IGSF10: variants seen among roughly 807,000 people sequenced by gnomAD.
IGSF10 encodes calvaria mechanical force protein 608.
Under a neutral mutation model 128.2 loss-of-function variants are expected in IGSF10, and 126 were observed. The ratio of observed to expected loss-of-function variants is 0.98; its 90% CI spans 0.85 to 1.14. The LOEUF is 1.14. IGSF10 is among the 50% of genes most tolerant of loss of function. IGSF10 has a pLI of 0.00. For synonymous variants in IGSF10, 1,185 were observed against 1,146.2 expected, an observed-to-expected ratio of 1.03 and a Z score of -0.68; for missense variants, 3,295 against 3,149.8, an observed-to-expected ratio of 1.05 and a Z score of -1.10.
intron 4 of IGSF10, 100 bp from the exon 5 acceptor site, chr3:151,453,874 T>C (rs1222785233): frequency 2.8e-6 from 2 of 704,086 alleles, no homozygotes; most frequent in African/African-American, 3.6e-5. Context: ...ATTAATTCAG[T>C]GCAATTTATA....
chr3:151,446,425 T>C lies in IGSF10; in HGVS notation c.3556A>G (p.Thr1186Ala), dbSNP rs764335493. The change falls in exon 6 of 8, where the codon ACC (threonine) becomes GCC (alanine). Residue 1186 changes from threonine (T) to alanine (A), a missense_variant. Thr to Ala is a moderately conservative substitution (Grantham distance 58). Transcript: ENST00000282466. Reference protein sequence around the residue: ...VITSSLSGAITKPPMTIIAIT... With the variant: ...VITSSLSGAIAKPPMTIIAIT... ...GCTATAATAGTCATTGGTGGCTTGG[T>C]GATAGCACCTGAAAGTGACGATGTA... 1 of 1,614,104 alleles carries C rather than the reference T, an allele frequency of 6.2e-7. No individual in the cohort carries two copies. The highest frequency in any genetic ancestry group is 8.5e-7 in the Non-Finnish European group (1 of 1,179,938).
the IGSF10 span, among the ~76,000 whole-genome samples, chr3:151,514,839 T>C: frequency 6.6e-6 from 1 of 152,192 alleles, no homozygotes; most frequent in Non-Finnish European, 1.5e-5. Context: ...AAAGAAGACA[T>C]TTATGCAGCC....
chr3:151,574,754 T>C, the IGSF10 span, among the ~76,000 whole-genome samples: 2 of 152,230 alleles, frequency 1.3e-5, no homozygotes, highest in Non-Finnish European at 2.9e-5. Context: ...TCCAGCTTTG[T>C]TCCATTGCTG....
chr3:151,559,952 G>T, the IGSF10 span, among the ~76,000 whole-genome samples: 1 of 152,048 alleles, frequency 6.6e-6, no homozygotes, highest in African/African-American at 2.4e-5. Context: ...CGGAAAAGAG[G>T]ACTCCAGGCA....
At chr3:151,510,647 C>G in the IGSF10 span, among the ~76,000 whole-genome samples, 16 of 152,100 alleles carry the variant, frequency 1.1e-4, 1 homozygote, top group South Asian at 3.1e-3. Flanking sequence ...AGGAAGGCTT[C>G]AGAAGATCAA....
chr3:151,541,561 T>C, the IGSF10 span, among the ~76,000 whole-genome samples: 1 of 152,326 alleles, frequency 6.6e-6, no homozygotes, highest in Admixed American at 6.5e-5. Flanking sequence ...GACACTATTC[T>C]TTTAGGAGGC....
At chr3:151,486,866 C>A in the IGSF10 span, among the ~76,000 whole-genome samples, 1 of 152,080 alleles carries the variant, frequency 6.6e-6, no homozygotes, top group African/African-American at 2.4e-5. Flanking sequence ...GCACTAAATG[C>A]CCACAAGCGA....
the IGSF10 span, among the ~76,000 whole-genome samples, chr3:151,485,579 C>T: frequency 6.6e-6 from 1 of 152,136 alleles, no homozygotes; most frequent in Non-Finnish European, 1.5e-5. Flanking sequence ...CAAAGGGAAG[C>T]CCATCAGACT....
At position 151,457,194 on chromosome 3, in the gene IGSF10, T is replaced by C. The variant is rs1577677618; in HGVS notation, c.195-39A>G. 1.9e-6 allele frequency: 3 copies of C among 1,605,116 alleles called. No homozygotes were observed. The East Asian group carries it at 6.7e-5, about 36-fold the overall frequency. On this transcript the variant is annotated intron_variant, in intron 3 of 7. Transcript: ENST00000282466. ...TGACATTCTAGGCATAAGCTAAGTC[T>C]GTCAACTAAAGTTCAAATGTCATAA...
At chr3:151,561,661 C>A in the IGSF10 span, among the ~76,000 whole-genome samples, 2 of 151,954 alleles carry the variant, frequency 1.3e-5, no homozygotes, top group African/African-American at 4.8e-5. Flanking sequence ...TCTAAGATAT[C>A]CTGATAAAGA....
chr3:151,563,705 A>T, the IGSF10 span, among the ~76,000 whole-genome samples: 4 of 151,888 alleles, frequency 2.6e-5, no homozygotes, highest in African/African-American at 9.7e-5. Context: ...TGCAGCGTTT[A>T]AAAAAAATAT....
chr3:151,536,446 A>T, the IGSF10 span, among the ~76,000 whole-genome samples: 1 of 152,140 alleles, frequency 6.6e-6, no homozygotes, highest in South Asian at 2.1e-4. Context: ...TGAAAATGTT[A>T]TTCATTGTTT....
rs1577659886 is a variant in IGSF10 at position 151,438,199 on chromosome 3, G to T, written c.6362C>A (p.Ala2121Asp). ...VAEEGDYTCY[A>D]QNTLGKDEMK... is the part of the protein sequence containing the mutation. The stretch of plus-strand genomic sequence containing the variant: ...TTCATCTTTCCCTAGGGTGTTCTGG[G>T]CATAGCAAGTATAATCTCCTTCCTC... Residue 2121 changes from alanine (A) to aspartate (D), a missense_variant, in exon 8 of 8, where the codon GCC (alanine) becomes GAC (aspartate). By Grantham distance (126) the Ala-to-Asp change is moderately radical. Transcript: ENST00000282466. 5 of 1,614,104 alleles carry T rather than the reference G, an allele frequency of 3.1e-6. No individual in the cohort carries two copies. In the East Asian group the frequency reaches 1.1e-4, roughly 36 times the overall value.
chr3:151,511,622 C>A, the IGSF10 span, among the ~76,000 whole-genome samples: 86 of 152,206 alleles, frequency 5.7e-4, 2 homozygotes, highest in South Asian at 0.018. Flanking sequence ...ACAATACTAA[C>A]CTTAAATGTA....
At chr3:151,553,467 G>T in the IGSF10 span, among the ~76,000 whole-genome samples, 1 of 151,834 alleles carries the variant, frequency 6.6e-6, no homozygotes. Flanking sequence ...ATTCAGAAAT[G>T]AACCAAAAAT....
chr3:151,447,869 C>T lies in IGSF10; in HGVS notation c.2112G>A (p.Met704Ile). The T allele has an allele frequency of 1.2e-6, 2 of 1,614,092 alleles. No individual in the cohort carries two copies. The highest frequency in any genetic ancestry group is 1.7e-6 in the Non-Finnish European group (2 of 1,180,004). ...AGGTGTGTTTTCCAACCTCAGCCTC[C>T]ATCAGAGCAGATGTACGGAGTTGTG... ...PGAQLRTSAL[M>I]EAEVGKHTSS... Residue 704 changes from methionine to isoleucine, a missense_variant, in exon 6 of 8, where the codon ATG becomes ATA. Met to Ile is a conservative substitution (Grantham distance 10). Transcript: ENST00000282466.
the IGSF10 span, among the ~76,000 whole-genome samples, chr3:151,549,141 T>C: frequency 6.6e-5 from 10 of 152,214 alleles, no homozygotes; most frequent in Non-Finnish European, 1.2e-4. Context: ...TGTTTTCTCA[T>C]AGTTAAGAAT....
chr3:151,523,201 T>G, the IGSF10 span, among the ~76,000 whole-genome samples: 1 of 152,198 alleles, frequency 6.6e-6, no homozygotes, highest in Admixed American at 6.5e-5. Context: ...CTCATGCTCA[T>G]GGATAGGAAG....
chr3:151,606,375 T>G, the IGSF10 span, among the ~76,000 whole-genome samples: 1 of 152,210 alleles, frequency 6.6e-6, no homozygotes, highest in African/African-American at 2.4e-5. Flanking sequence ...TTTCAGAAGT[T>G]TAATTGTCTT....
Sources: gnomAD v4.1 joint callset for allele counts (sites outside exome capture counted in the v4.1 genomes callset) on GRCh38, gnomAD v4.1.1 for gene constraint, MANE v1.5 for transcripts, NCBI Gene and HGNC (gene_info 2026-07-23, HGNC 2026-07-21) for gene names.